The following ZNF831 variants were observed in gnomAD, a reference collection of about 807,000 sequenced individuals.
ZNF831 encodes the protein zinc finger protein 831.
ZNF831 carries 59 observed loss-of-function variants against 95.8 expected under a neutral mutation model. The ratio of observed to expected loss-of-function variants is 0.62; its 90% confidence interval spans 0.50 to 0.77. The LOEUF (loss-of-function observed/expected upper bound fraction) is 0.77, where lower values mean the gene tolerates loss of function less well. Ranked by LOEUF, ZNF831 falls within the 30% of genes least tolerant of loss-of-function variation. ZNF831 has a pLI of 0.00. For synonymous variants in ZNF831, 961 were observed against 925.5 expected (o/e 1.04, Z -0.70); for missense variants, 2,205 against 2,164.0 (o/e 1.02, Z -0.38).
intron 4 of ZNF831, among the ~76,000 whole-genome samples, chr20:59,223,553 C>T (rs1986240433): frequency 6.6e-6 from 1 of 152,212 alleles, no homozygotes; most frequent in Admixed American, 6.5e-5. Context: ...AGCACTCGGG[C>T]TCGCTGCCGA....
intron 2 of ZNF831, among the ~76,000 whole-genome samples, chr20:59,148,548 C>T (rs914395254): frequency 4.3e-5 from 6 of 138,278 alleles, no homozygotes; most frequent in East Asian, 2.0e-4. Context: ...GGCATGGTGG[C>T]GCGCGCCTGT....
intron 1 of ZNF831, among the ~76,000 whole-genome samples, chr20:59,165,136 G>T (rs748570719): frequency 6.6e-4 from 100 of 152,266 alleles, no homozygotes; most frequent in African/African-American, 1.3e-3. Flanking sequence ...CTGTGCTTCC[G>T]CTGGGAAGCT....
intron 4 of ZNF831, among the ~76,000 whole-genome samples, chr20:59,246,557 T>C (rs1443916044): frequency 6.6e-6 from 1 of 152,206 alleles, no homozygotes; most frequent in East Asian, 1.9e-4. Context: ...AATTTCATAA[T>C]CCTATTTTCA....
At chr20:59,124,529 C>G (rs940849242) in intron 1 of ZNF831, among the ~76,000 whole-genome samples, 1 of 152,170 alleles carries the variant, frequency 6.6e-6, no homozygotes, top group Non-Finnish European at 1.5e-5. Flanking sequence ...CTCTAAACCC[C>G]GGGTTGGGGG....
rs57692294 is a variant in ZNF831 at position 59,188,656 on chromosome 20, C to CAATAAATA, written c.-36-2304_-36-2297dup. ...TGGGCGACAGAGTGAGACTCCATCT[C>CAATAAATA]AATAAATAAATAAATAAATAAATAA... On this transcript the variant is annotated intron_variant, in intron 1 of 5. Coordinates refer to ENST00000371030, the MANE Select transcript of ZNF831 (RefSeq NM_178457.3). Among the ~76,000 whole-genome samples, 1,252 of 149,336 alleles carry CAATAAATA rather than the reference C, an allele frequency of 8.4e-3. 7 individuals are homozygous for CAATAAATA. The highest frequency in any genetic ancestry group is 0.018 in the South Asian group (85 of 4,696).
intron 5 of ZNF831, among the ~76,000 whole-genome samples, chr20:59,253,562 A>G (rs1988012737): frequency 6.6e-6 from 1 of 152,188 alleles, no homozygotes; most frequent in Admixed American, 6.5e-5. Context: ...ACACAGTCCT[A>G]TAAAATAGTA....
chr20:59,183,025 A>G (rs4810161), intron 1 of ZNF831, among the ~76,000 whole-genome samples: 19,906 of 152,200 alleles, frequency 0.13, 1,504 homozygotes, highest in East Asian at 0.27. Flanking sequence ...CTAGATGCAC[A>G]TTCAAGTGGG....
intron 4 of ZNF831, among the ~76,000 whole-genome samples, chr20:59,237,375 C>T (rs1299033127): frequency 6.6e-6 from 1 of 152,146 alleles, no homozygotes; most frequent in East Asian, 1.9e-4. Context: ...GAGACAGGGT[C>T]TCGCTCTGTC....
Position 59,194,045 on chromosome 20 carries a change from G to C in ZNF831, c.3026G>C (p.Ser1009Thr), listed in dbSNP as rs2146593441. The part of the protein sequence containing the change: ...GEADSILEDP[S>T]CSRPQDGRKG... ...GCGGACAGCATCCTGGAGGACCCCA[G>C]CTGTTCCAGGCCACAGGATGGGAGA... is the stretch of plus-strand genomic sequence containing the variant. Residue 1009 changes from serine (S) to threonine (T), a missense_variant, in exon 2 of 6, where the codon AGC (serine) becomes ACC (threonine). By Grantham distance (58) the Ser-to-Thr change is moderately conservative. Coordinates refer to ENST00000371030, the MANE Select transcript of ZNF831 (RefSeq NM_178457.3). 1 of 1,527,982 alleles carries C rather than the reference G, an allele frequency of 6.5e-7. No homozygotes were observed. The highest frequency in any genetic ancestry group is 1.4e-5 in the African/African-American group (1 of 72,422). 94.7% of individuals were successfully genotyped at this position (1,527,982 alleles called of 1,614,324 possible). A position where few individuals can be genotyped will look rare whatever the true frequency, so the allele number is the denominator to read the frequency against.
chr20:59,178,084 A>G (rs1982316117), intron 1 of ZNF831, among the ~76,000 whole-genome samples: 1 of 152,242 alleles, frequency 6.6e-6, no homozygotes, highest in Non-Finnish European at 1.5e-5. Flanking sequence ...TGTACCAAAA[A>G]TACTGGAAAC....
At chr20:59,197,911 T>G (rs960949593) in intron 3 of ZNF831, among the ~76,000 whole-genome samples, 5 of 152,122 alleles carry the variant, frequency 3.3e-5, no homozygotes, top group African/African-American at 1.2e-4. Flanking sequence ...CTCCTCAGTA[T>G]CTCACCAATA....
intron 4 of ZNF831, among the ~76,000 whole-genome samples, chr20:59,247,505 A>G (rs1319989884): frequency 2.0e-5 from 3 of 152,218 alleles, no homozygotes; most frequent in Non-Finnish European, 4.4e-5. Flanking sequence ...ATAGGCTCGA[A>G]AACAGGCTTA....
chr20:59,185,461 C>G (rs1027017855), intron 1 of ZNF831, among the ~76,000 whole-genome samples: 4 of 152,166 alleles, frequency 2.6e-5, no homozygotes, highest in Non-Finnish European at 5.9e-5. Context: ...TCCTCCTCCC[C>G]CTACCCCCAG....
intron 1 of ZNF831, among the ~76,000 whole-genome samples, chr20:59,174,483 A>G (rs1981984352): frequency 6.6e-6 from 1 of 152,210 alleles, no homozygotes; most frequent in African/African-American, 2.4e-5. Context: ...GAATTATCTT[A>G]AATATTTCCT....
chr20:59,173,782 G>A (rs1278920940), intron 1 of ZNF831, among the ~76,000 whole-genome samples: 1 of 152,154 alleles, frequency 6.6e-6, no homozygotes, highest in African/African-American at 2.4e-5. Context: ...TCTGTGCCCA[G>A]TCAGAAGACA....
intron 1 of ZNF831, among the ~76,000 whole-genome samples, chr20:59,174,222 G>A (rs1034578581): frequency 3.3e-5 from 5 of 152,144 alleles, no homozygotes; most frequent in Non-Finnish European, 5.9e-5. Flanking sequence ...AGGCTAGCTG[G>A]CTTTACGCGG....
At chr20:59,201,087 T>C (rs1312524484) in intron 3 of ZNF831, among the ~76,000 whole-genome samples, 1 of 152,242 alleles carries the variant, frequency 6.6e-6, no homozygotes, top group East Asian at 1.9e-4. Context: ...TGTATTATTT[T>C]ACATCTCCAC....
At chr20:59,155,106 C>T (rs1379130112) in intron 2 of ZNF831, among the ~76,000 whole-genome samples, 3 of 152,182 alleles carry the variant, frequency 2.0e-5, no homozygotes, top group African/African-American at 7.2e-5. Context: ...ATACAGTTTC[C>T]CTGACACCTG....
upstream of ZNF831, among the ~76,000 whole-genome samples, chr20:59,163,322 C>T (rs1439845111): frequency 2.0e-5 from 3 of 152,124 alleles, no homozygotes; most frequent in Admixed American, 1.3e-4. Flanking sequence ...CTAGGATTTT[C>T]AGTACTATGT....
Sources: allele counts gnomAD v4.1 joint callset (sites outside exome capture counted in the v4.1 genomes callset), GRCh38; gene constraint gnomAD v4.1.1; transcripts MANE v1.5; gene names NCBI Gene and HGNC (gene_info 2026-07-23, HGNC 2026-07-21).